Variants in CRBN observed in about 807,000 individuals in gnomAD.
The protein encoded by CRBN is protein cereblon.
Under a neutral mutation model 62.2 loss-of-function variants are expected in CRBN, and 53 were observed. The ratio of observed to expected loss-of-function variants is 0.85; its 90% CI spans 0.68 to 1.07. The LOEUF is 1.07. CRBN is among the 50% of genes least tolerant of loss of function. The pLI is 0.00. For missense variants in CRBN, 616 were observed against 531.1 expected (o/e 1.16, Z -1.57); for synonymous variants, 208 against 176.1 (o/e 1.18, Z -1.43).
intron 9 of CRBN, 106 bp from the exon 10 acceptor site, chr3:3,152,693 A>G: frequency 7.4e-7 from 1 of 1,347,976 alleles, no homozygotes; most frequent in Non-Finnish European, 1.0e-6. Context: ...TATGAGCTAT[A>G]CAGTTTTTAA....
At chr3:3,166,504 G>A (rs1707357049) in intron 5 of CRBN, among the ~76,000 whole-genome samples, 1 of 152,080 alleles carries the variant, frequency 6.6e-6, no homozygotes, top group Admixed American at 6.6e-5. Flanking sequence ...TTAACTAAAG[G>A]CAGTATCAAT....
Position 3,175,910 on chromosome 3 carries a change from C to A in CRBN, c.68-641G>T, listed in dbSNP as rs571988940. Among the ~76,000 whole-genome samples the A allele has an allele frequency of 2.0e-5, 3 of 152,298 alleles. No individual in the cohort carries two copies. In the South Asian group the frequency reaches 6.2e-4, roughly 32 times the overall value. ...TTCTTTTCCTTTTTAGAAATGGGGT[C>A]TGTTGCCAATGTGCTGTTTTTATTA... On this transcript the variant is annotated intron_variant, in intron 1 of 10. Coordinates refer to ENST00000231948, the MANE Select transcript of CRBN (RefSeq NM_016302.4).
rs1181730381 is a variant in CRBN at position 3,156,208 on chromosome 3, A to G, written c.750+11T>C. 2 of 1,607,156 alleles carry G rather than the reference A, an allele frequency of 1.2e-6. No homozygotes were observed. Among genetic ancestry groups the G allele is most frequent in the Non-Finnish European group, 1.7e-6 (2 of 1,173,914 alleles). On this transcript the variant is annotated intron_variant, in intron 6 of 10. Transcript: ENST00000231948. ...ACCATATATAAAGTAAATTTAAGGT[A>G]AGTTACTTACAGCATCATATAAGGA...
Position 3,150,849 on chromosome 3 carries a change from T to G in CRBN, c.*16A>C. 1 of 1,611,310 alleles carries G rather than the reference T, an allele frequency of 6.2e-7. No individual in the cohort carries two copies. Among genetic ancestry groups the G allele is most frequent in the Non-Finnish European group, 8.5e-7 (1 of 1,178,154 alleles). ...ATAACCAATTTGTTAGATAACTTTA[T>G]CTCTATCACATCTGTTTACAAGCAA... On this transcript the variant is annotated 3_prime_UTR_variant, in exon 11 of 11. Coordinates refer to ENST00000231948, the MANE Select transcript of CRBN (RefSeq NM_016302.4).
intron 1 of CRBN, among the ~76,000 whole-genome samples, chr3:3,175,993 C>A (rs1672758): frequency 0.65 from 99,254 of 152,006 alleles, 34,722 homozygotes; most frequent in Middle Eastern, 0.82. Context: ...CACCTGGCTA[C>A]AGCAGTGTGT....
chr3:3,155,475 T>G (rs1272724489), intron 6 of CRBN: 1 of 153,022 alleles, frequency 6.5e-6, no homozygotes, highest in Non-Finnish European at 1.5e-5. Flanking sequence ...TCATAGGTCC[T>G]TGGAGAAGTA....
At chr3:3,178,664 C>G (rs1441574583) in intron 1 of CRBN, among the ~76,000 whole-genome samples, 1 of 152,136 alleles carries the variant, frequency 6.6e-6, no homozygotes, top group East Asian at 1.9e-4. Context: ...AATCAACCGC[C>G]TCTGCAGTTG....
intron 5 of CRBN, among the ~76,000 whole-genome samples, chr3:3,161,264 A>G (rs1453425474): frequency 1.3e-5 from 2 of 152,202 alleles, no homozygotes; most frequent in Non-Finnish European, 2.9e-5. Flanking sequence ...GCCGTAGAAA[A>G]ATGGGCAAAC....
intron 4 of CRBN, among the ~76,000 whole-genome samples, chr3:3,168,814 C>T (rs563383899): frequency 1.3e-5 from 2 of 152,104 alleles, no homozygotes; most frequent in South Asian, 4.1e-4. Flanking sequence ...AACTTTATTT[C>T]CTTCCTGCAA....
chr3:3,167,795 T>TA lies in CRBN; in HGVS notation c.528-3dup, dbSNP rs1559252583. On this transcript the variant is annotated splice_region_variant and splice_polypyrimidine_tract_variant and intron_variant, in intron 4 of 10. Transcript: ENST00000231948. ...ATTTGCACTTTAGCTTGCTGGATTCTAAAATAAAGAGAACCAAGCATGGTA... is the reference window on the plus strand; with the variant it reads ...ATTTGCACTTTAGCTTGCTGGATTCTAAAAATAAAGAGAACCAAGCATGGTA... 1 of 1,613,212 alleles carries TA rather than the reference T, an allele frequency of 6.2e-7. No homozygotes were observed. The highest frequency in any genetic ancestry group is 8.5e-7 in the Non-Finnish European group (1 of 1,179,320).
intron 5 of CRBN, among the ~76,000 whole-genome samples, chr3:3,164,295 C>T (rs984694902): frequency 2.6e-5 from 4 of 152,168 alleles, no homozygotes; most frequent in African/African-American, 4.8e-5. Context: ...AGAGGCCAAA[C>T]GCTAGGCCTC....
At chr3:3,155,349 T>C (rs1003225833) in intron 6 of CRBN, 2 of 156,784 alleles carry the variant, frequency 1.3e-5, no homozygotes, top group African/African-American at 4.8e-5. Context: ...TCGTGCATGT[T>C]GTTGAGTTTT....
intron 7 of CRBN, 160 bp downstream of exon 7, chr3:3,154,586 CT>C: frequency 2.1e-6 from 1 of 484,122 alleles, no homozygotes; most frequent in Non-Finnish European, 3.6e-6. Context: ...TTTTAAAATA[CT>C]CATTTTTTTT....
chr3:3,171,478 T>C (rs1048601276), intron 4 of CRBN, among the ~76,000 whole-genome samples: 1 of 152,092 alleles, frequency 6.6e-6, no homozygotes. Flanking sequence ...TTGGTCATTG[T>C]TCTCAAGCAG....
At chr3:3,168,590 C>A (rs1020305437) in intron 4 of CRBN, among the ~76,000 whole-genome samples, 6 of 152,150 alleles carry the variant, frequency 3.9e-5, no homozygotes, top group African/African-American at 1.2e-4. Context: ...GTATATAACA[C>A]TGTCAGACTG....
Position 3,153,985 on chromosome 3 carries a change from C to A in CRBN, c.926G>T (p.Arg309Leu). Residue 309 changes from arginine to leucine, a missense_variant, in exon 8 of 11, where the codon CGC (arginine) becomes CTC (leucine). Physicochemically the swap from Arg to Leu is moderately radical, Grantham distance 102. Transcript: ENST00000231948. ...LKIGSAIQRL[R>L]CELDIMNKCT... ...TTTATTCATAATGTCTAATTCACAG[C>A]GAAGTCGCTGGATAGCACTGCCAAT... The A allele has an allele frequency of 6.2e-7, 1 of 1,609,516 alleles. No individual in the cohort carries two copies. Among genetic ancestry groups the A allele is most frequent in the Non-Finnish European group, 8.5e-7 (1 of 1,175,874 alleles).
At chr3:3,154,370 ATAAACAGATAAAG>A (rs1575081978) in intron 7 of CRBN, 1 of 455,016 alleles carries the variant, frequency 2.2e-6, no homozygotes, top group Admixed American at 3.8e-5. Context: ...ACTATACCTT[ATAAACAGATAAAG>A]AGAGTATCTA....
intron 6 of CRBN, 39 bp from the exon 7 acceptor site, chr3:3,154,870 G>T: frequency 1.7e-6 from 2 of 1,171,512 alleles, no homozygotes; most frequent in Non-Finnish European, 2.6e-6. Flanking sequence ...AAGTTCATGG[G>T]CTTATTAAAA....
At position 3,175,587 on chromosome 3, in the gene CRBN, C is replaced by G. The variant is rs530213055; in HGVS notation, c.68-318G>C. Among the ~76,000 whole-genome samples, 4 of 152,168 alleles carry G rather than the reference C, an allele frequency of 2.6e-5. No individual in the cohort carries two copies. The East Asian group carries it at 7.7e-4, about 29-fold the overall frequency. Reference sequence around the variant, plus strand: ...TATTAGTATGGTACATTTGCCACAACGAAGGAATCAGTCTTGGTACATTAC... The same window carrying G: ...TATTAGTATGGTACATTTGCCACAAGGAAGGAATCAGTCTTGGTACATTAC... On this transcript the variant is annotated intron_variant, in intron 1 of 10. Transcript: ENST00000231948.
Sources: gnomAD v4.1 joint callset for allele counts (sites outside exome capture counted in the v4.1 genomes callset) on GRCh38, gnomAD v4.1.1 for gene constraint, MANE v1.5 for transcripts, NCBI Gene and HGNC (gene_info 2026-07-23, HGNC 2026-07-21) for gene names.